Variants in GIN1 observed in about 807,000 individuals in gnomAD.
GIN1 encodes the protein gypsy retrotransposon integrase 1.
In GIN1, 41 loss-of-function variants were observed where a neutral mutation model predicts 51.4. The observed-to-expected ratio is 0.80, with a 90% CI of 0.62 to 1.04. The LOEUF is 1.04. Ranked by LOEUF, GIN1 falls within the 50% of genes least tolerant of loss-of-function variation. The pLI, the probability that GIN1 is intolerant of heterozygous loss-of-function variation, is 0.00. For missense variants in GIN1, 610 were observed against 612.4 expected (o/e 1.00, Z 0.04); for synonymous variants, 222 against 206.5 (o/e 1.07, Z -0.64).
chr5:103,096,832 A>C lies in GIN1; in HGVS notation c.1009-6T>G. ...TCCAAATTGTTGTTCTCCATCTACA[A>C]GTGTAAAAAGAAAAAGAACAAAGAG... On this transcript the variant is annotated splice_polypyrimidine_tract_variant and splice_region_variant and intron_variant, in intron 6 of 7. Transcript: ENST00000399004. 1 of 1,552,450 alleles carries C rather than the reference A, an allele frequency of 6.4e-7. No homozygotes were observed. Among genetic ancestry groups the C allele is most frequent in the Non-Finnish European group, 8.8e-7 (1 of 1,130,498 alleles).
rs1316847023 is a variant in GIN1 at position 103,086,453 on chromosome 5, T to G, written c.*1445A>C. ...CTACTTACCTTTTCAGCTTTATCCC[T>G]CATTATCTTGCTTCTTCACTTTATA... is the stretch of plus-strand genomic sequence containing the variant. On this transcript the variant is annotated 3_prime_UTR_variant, in exon 8 of 8. Coordinates refer to ENST00000399004, the MANE Select transcript of GIN1 (RefSeq NM_017676.2). The G allele has an allele frequency of 2.0e-5, 3 of 152,222 alleles. No individual in the cohort carries two copies. Among genetic ancestry groups the G allele is most frequent in the Non-Finnish European group, 4.4e-5 (3 of 68,046 alleles). The allele number at this position is 152,222 out of a possible 1,614,324, so 9.4% of individuals were successfully genotyped here.
In GIN1 at chr5:103,109,874, T is replaced by C. The variant is rs569772244; in HGVS notation, c.-7-1160A>G. Among the ~76,000 whole-genome samples the C allele has an allele frequency of 1.1e-4, 16 of 152,230 alleles. No individual in the cohort carries two copies. In the East Asian group the frequency reaches 1.2e-3, roughly 11 times the overall value. ...AAATAAAGTAAATAAGACAAGCCAA[T>C]TGGCATAAGGACAGACAAATACATC... On this transcript the variant is annotated intron_variant, in intron 1 of 7. Coordinates refer to ENST00000399004, the MANE Select transcript of GIN1 (RefSeq NM_017676.2).
Position 103,097,375 on chromosome 5 carries a change from A to ATT in GIN1, c.945_946dup (p.Ile316LysfsTer3), listed in dbSNP as rs1787433258. The ATT allele has an allele frequency of 3.1e-6, 5 of 1,598,450 alleles. No homozygotes were observed. Among genetic ancestry groups the ATT allele is most frequent in the Middle Eastern group, 1.7e-4 (1 of 6,048 alleles). On this transcript the variant is annotated frameshift_variant, in exon 6 of 8. Transcript: ENST00000399004. LOFTEE classifies it high-confidence loss of function. Reference sequence around the variant, plus strand: ...ATCAGCTTCTTTAATTGCATCTAGAATTTTGGCAAACATACTTGTATTATC... The same window carrying ATT: ...ATCAGCTTCTTTAATTGCATCTAGAATTTTTTGGCAAACATACTTGTATTATC...
At chr5:103,119,501 T>C (rs1788288007) in intron 1 of GIN1, among the ~76,000 whole-genome samples, 1 of 152,198 alleles carries the variant, frequency 6.6e-6, no homozygotes. Context: ...TTAAAAAGTA[T>C]CTACTTTGGT....
intron 4 of GIN1, among the ~76,000 whole-genome samples, chr5:103,099,358 T>C (rs1315430558): frequency 6.6e-6 from 1 of 151,824 alleles, no homozygotes; most frequent in Admixed American, 6.6e-5. Flanking sequence ...ACTCCCAATA[T>C]ATATTGGGAT....
At chr5:103,114,188 T>C (rs1787963934) in intron 1 of GIN1, among the ~76,000 whole-genome samples, 1 of 152,208 alleles carries the variant, frequency 6.6e-6, no homozygotes, top group Non-Finnish European at 1.5e-5. Flanking sequence ...TAACTTAAAA[T>C]TTTAAGAATG....
chr5:103,089,700 A>G (rs1787182941), intron 7 of GIN1, among the ~76,000 whole-genome samples: 1 of 152,208 alleles, frequency 6.6e-6, no homozygotes, highest in Non-Finnish European at 1.5e-5. Context: ...AAAAAGCAAA[A>G]GGAAGATTAA....
chr5:103,118,691 T>C (rs2149405703), intron 1 of GIN1, among the ~76,000 whole-genome samples: 1 of 109,302 alleles, frequency 9.1e-6, no homozygotes, highest in Admixed American at 9.1e-5. Context: ...TTGAAGTAGT[T>C]AAAAGTTTTA....
chr5:103,101,405 A>G (rs1391447953), intron 4 of GIN1, among the ~76,000 whole-genome samples: 2 of 152,354 alleles, frequency 1.3e-5, no homozygotes, highest in South Asian at 2.1e-4. Context: ...TTTGTATTTA[A>G]TATGTTTGGA....
intron 4 of GIN1, among the ~76,000 whole-genome samples, chr5:103,100,985 G>A (rs1164684373): frequency 1.3e-5 from 2 of 152,084 alleles, no homozygotes; most frequent in African/African-American, 2.4e-5. Context: ...CCTAGTGAAT[G>A]TTTGATACTG....
intron 7 of GIN1, among the ~76,000 whole-genome samples, chr5:103,093,320 A>C (rs907078474): frequency 2.0e-5 from 3 of 152,200 alleles, no homozygotes; most frequent in Non-Finnish European, 2.9e-5. Flanking sequence ...GAGGCAGAAG[A>C]GGAGGTTGGA....
chr5:103,114,539 G>T (rs1554197195), intron 1 of GIN1, among the ~76,000 whole-genome samples: 1 of 152,168 alleles, frequency 6.6e-6, no homozygotes, highest in Non-Finnish European at 1.5e-5. Flanking sequence ...TGAAGTTAAG[G>T]CAATGGAAGA....
rs983208664 is a variant in GIN1 at position 103,087,601 on chromosome 5, C to G, written c.*297G>C. 1.5e-5 allele frequency: 3 copies of G among 194,300 alleles called. No individual in the cohort carries two copies. Among genetic ancestry groups the G allele is most frequent in the Admixed American group, 1.2e-4 (2 of 16,586 alleles). 12.0% of individuals were successfully genotyped at this position (194,300 alleles called of 1,614,324 possible). A position where few individuals can be genotyped will look rare whatever the true frequency, so the allele number is the denominator to read the frequency against. On this transcript the variant is annotated 3_prime_UTR_variant, in exon 8 of 8. Coordinates refer to ENST00000399004, the MANE Select transcript of GIN1 (RefSeq NM_017676.2). ...ACTTAGAAACGGTGCCAAAACCATA[C>G]AAAGGTTTGAGAGATTTGGGCTGGA...
At chr5:103,117,056 A>G (rs1257411367) in intron 1 of GIN1, among the ~76,000 whole-genome samples, 2 of 152,070 alleles carry the variant, frequency 1.3e-5, no homozygotes, top group South Asian at 4.1e-4. Flanking sequence ...ATACTAACCC[A>G]AAAGAAAATA....
chr5:103,118,845 G>A (rs1360965550), intron 1 of GIN1, among the ~76,000 whole-genome samples: 1 of 98,486 alleles, frequency 1.0e-5, no homozygotes, highest in Non-Finnish European at 2.5e-5. Flanking sequence ...TGATTGCTAA[G>A]TAAAGGTATC....
Position 103,088,016 on chromosome 5 carries a change from T to C in GIN1, c.1451A>G (p.Glu484Gly), listed in dbSNP as rs1414243839. Residue 484 changes from glutamate (E) to glycine (G), a missense_variant, in exon 8 of 8, where the codon GAA becomes GGA. Physicochemically the swap from Glu to Gly is moderately conservative, Grantham distance 98. Transcript: ENST00000399004. ...NELLTSSKDR[E>G]LLEYRNTKIS... Reference sequence around the variant, plus strand: ...TTTCGTATTTCTATATTCTAATAGTTCACGATCCTTGCTTGATGTCAGTAA... The same window carrying C: ...TTTCGTATTTCTATATTCTAATAGTCCACGATCCTTGCTTGATGTCAGTAA... 1.2e-6 allele frequency: 2 copies of C among 1,607,310 alleles called. No homozygotes were observed. The highest frequency in any genetic ancestry group is 1.7e-6 in the Non-Finnish European group (2 of 1,174,208).
intron 4 of GIN1, among the ~76,000 whole-genome samples, chr5:103,098,795 A>G (rs1322878172): frequency 6.6e-6 from 1 of 152,154 alleles, no homozygotes; most frequent in Non-Finnish European, 1.5e-5. Context: ...CAGTGTCTCA[A>G]AAACAACCCA....
chr5:103,113,729 C>G (rs782496968), intron 1 of GIN1, among the ~76,000 whole-genome samples: 2 of 152,026 alleles, frequency 1.3e-5, no homozygotes, highest in Non-Finnish European at 2.9e-5. Flanking sequence ...ACGATGTTGG[C>G]CAGGCTGGTC....
At position 103,097,704 on chromosome 5, in the gene GIN1, C is replaced by T. The variant is rs376542571; in HGVS notation, c.717G>A (p.Thr239=). The part of the protein sequence containing the change: ...ISHTSGTVNP[T]ESTPNTIKAF... ...CTTTGATTGTGTTAGGTGTACTTTC[C>T]GTTGGGTTAACAGTTCCAGAGGTGT... The change falls in exon 5 of 8, where the codon ACG becomes ACA. Residue 239 remains threonine, a synonymous_variant. Coordinates refer to ENST00000399004, the MANE Select transcript of GIN1 (RefSeq NM_017676.2). 3.0e-4 allele frequency: 485 copies of T among 1,599,540 alleles called. 10 individuals carry two copies. The South Asian group carries it at 5.3e-3, about 17-fold the overall frequency.
Sources: gnomAD v4.1 joint callset for allele counts (sites outside exome capture counted in the v4.1 genomes callset) on GRCh38, gnomAD v4.1.1 for gene constraint, MANE v1.5 for transcripts, NCBI Gene and HGNC (gene_info 2026-07-23, HGNC 2026-07-21) for gene names.